Variants in C10orf90 observed in about 807,000 individuals in gnomAD.
C10orf90 encodes (E2-independent) E3 ubiquitin-conjugating enzyme FATS.
A neutral mutation model predicts 62.5 loss-of-function variants in C10orf90; 56 were observed. The observed-to-expected ratio is 0.90, with a 90% CI of 0.72 to 1.12. C10orf90 has a LOEUF of 1.12. Ranked by LOEUF, C10orf90 falls within the 50% of genes most tolerant of loss-of-function variation. The pLI is 0.00. For synonymous variants in C10orf90, 386 were observed against 340.4 expected (o/e 1.13, Z -1.47); for missense variants, 970 against 880.4 (o/e 1.10, Z -1.29).
At chr10:126,609,835 G>T (rs1231574067) in intron 2 of C10orf90, among the ~76,000 whole-genome samples, 2 of 152,204 alleles carry the variant, frequency 1.3e-5, no homozygotes, top group Non-Finnish European at 2.9e-5. Context: ...GAGCTGTGAG[G>T]CATGGGAGAT....
At chr10:126,438,858 G>A (rs1002028475) in intron 7 of C10orf90, among the ~76,000 whole-genome samples, 2 of 151,890 alleles carry the variant, frequency 1.3e-5, no homozygotes, top group East Asian at 1.9e-4. Context: ...TGGGAGTGCC[G>A]ATGCCTGAGA....
At position 126,425,550 on chromosome 10, in the gene C10orf90, A is replaced by C. The variant is rs1359464668; in HGVS notation, c.*314T>G. On this transcript the variant is annotated 3_prime_UTR_variant, in exon 10 of 10. Coordinates refer to ENST00000488181, the MANE Select transcript of C10orf90 (RefSeq NM_001350921.2). Reference sequence around the variant, plus strand: ...CTTGTATCAGGCCTCTCTGATGGGCAGGAAACAGCAGGGGAGAAGAAATCA... The same window carrying C: ...CTTGTATCAGGCCTCTCTGATGGGCCGGAAACAGCAGGGGAGAAGAAATCA... The C allele has an allele frequency of 1.4e-5, 5 of 368,728 alleles. No homozygotes were observed. The East Asian group carries it at 2.2e-4, about 16-fold the overall frequency. The allele number at this position is 368,728 out of a possible 1,614,324, so 22.8% of individuals were successfully genotyped here.
chr10:126,510,701 T>C (rs531711693), intron 3 of C10orf90, among the ~76,000 whole-genome samples: 4 of 152,370 alleles, frequency 2.6e-5, no homozygotes, highest in African/African-American at 9.6e-5. Flanking sequence ...GATATTGATT[T>C]CTCTTAAATG....
At chr10:126,574,299 AAG>A (rs1844567692) in intron 2 of C10orf90, among the ~76,000 whole-genome samples, 2 of 152,176 alleles carry the variant, frequency 1.3e-5, no homozygotes, top group African/African-American at 4.8e-5. Flanking sequence ...TTAATGTATA[AAG>A]AGTTTCTAAA....
At position 126,456,395 on chromosome 10, in the gene C10orf90, T is replaced by C. The variant is rs1413894776; in HGVS notation, c.2188+2645A>G. ...AAGTCCCACTTTGAGAGCATGCTGC[T>C]TGCCAGGACTGTCTTGGAATGTGGG... is the stretch of plus-strand genomic sequence containing the variant. On this transcript the variant is annotated intron_variant, in intron 7 of 9. Transcript: ENST00000488181. The surrounding 1 kb of genome is among the most constrained non-coding windows in gnomAD (Gnocchi z 4.9). Among the ~76,000 whole-genome samples, 1 of 152,156 alleles carries C rather than the reference T, an allele frequency of 6.6e-6. No individual in the cohort carries two copies. Among genetic ancestry groups the C allele is most frequent in the Admixed American group, 6.5e-5 (1 of 15,282 alleles).
chr10:126,521,447 A>G, intron 2 of C10orf90: 2 of 1,525,152 alleles, frequency 1.3e-6, no homozygotes, highest in South Asian at 1.3e-5. Flanking sequence ...AGAATGAGTC[A>G]GGCTTCCACC....
At chr10:126,474,798 C>T (rs946353062) in intron 4 of C10orf90, among the ~76,000 whole-genome samples, 1 of 152,210 alleles carries the variant, frequency 6.6e-6, no homozygotes, top group African/African-American at 2.4e-5. Flanking sequence ...CTGAACGTAA[C>T]TTGCAATTCA....
rs1857216806 is a variant in C10orf90 at position 126,425,562 on chromosome 10, G to A, written c.*302C>T. The A allele has an allele frequency of 1.2e-5, 5 of 400,588 alleles. No individual in the cohort carries two copies. Among genetic ancestry groups the A allele is most frequent in the Non-Finnish European group, 2.2e-5 (5 of 227,112 alleles). 24.8% of individuals were successfully genotyped at this position (400,588 alleles called of 1,614,324 possible). A position where few individuals can be genotyped will look rare whatever the true frequency, so the allele number is the denominator to read the frequency against. ...CTCTCTGATGGGCAGGAAACAGCAG[G>A]GGAGAAGAAATCAGAAGCAAAAGGT... On this transcript the variant is annotated 3_prime_UTR_variant, in exon 10 of 10. Coordinates refer to ENST00000488181, the MANE Select transcript of C10orf90 (RefSeq NM_001350921.2).
intron 4 of C10orf90, among the ~76,000 whole-genome samples, chr10:126,496,208 C>G (rs74158825): frequency 0.032 from 4,852 of 152,264 alleles, 255 homozygotes; most frequent in African/African-American, 0.11. Context: ...ATGACTCTCT[C>G]CTAAACAGTG....
At chr10:126,476,695 G>T (rs7898677) in intron 4 of C10orf90, among the ~76,000 whole-genome samples, 65,092 of 151,990 alleles carry the variant, frequency 0.43, 16,425 homozygotes, top group African/African-American at 0.72. Context: ...GCGGACTTCC[G>T]GAGTTATTTC....
chr10:126,436,874 A>G (rs901972618), intron 7 of C10orf90, among the ~76,000 whole-genome samples: 2 of 152,016 alleles, frequency 1.3e-5, no homozygotes, highest in Non-Finnish European at 2.9e-5. Context: ...TTGTTGCCCA[A>G]GATGGTCTTA....
chr10:126,504,743 C>A lies in C10orf90; in HGVS notation c.748G>T (p.Ala250Ser). The A allele has an allele frequency of 6.3e-7, 1 of 1,595,818 alleles. No homozygotes were observed. Among genetic ancestry groups the A allele is most frequent in the South Asian group, 1.1e-5 (1 of 88,432 alleles). The stretch of plus-strand genomic sequence containing the variant: ...TCCCCAGCAGTCCCCCACACCAGGG[C>A]GCGGGCTGGGGGGCCCACGCGTCTG... ...TARRVGPPAR[A>S]LVWGTAGDSL... Residue 250 changes from alanine to serine, a missense_variant, in exon 4 of 10, where the codon GCC becomes TCC. Ala to Ser is a moderately conservative substitution (Grantham distance 99, BLOSUM62 1). Transcript: ENST00000488181. The surrounding 1 kb of genome is among the most constrained non-coding windows in gnomAD (Gnocchi z 4.1).
intron 1 of C10orf90, among the ~76,000 whole-genome samples, chr10:126,661,125 T>A (rs948896802): frequency 1.3e-5 from 2 of 152,172 alleles, no homozygotes; most frequent in Non-Finnish European, 1.5e-5. Flanking sequence ...CTTGATATCA[T>A]CCTCCAGGTC....
At chr10:126,552,842 T>C (rs2133979057) in intron 2 of C10orf90, among the ~76,000 whole-genome samples, 1 of 152,356 alleles carries the variant, frequency 6.6e-6, no homozygotes, top group East Asian at 1.9e-4. Context: ...CCAATATCTA[T>C]ATCTTAGGGT....
chr10:126,443,543 A>G (rs1858536424), intron 7 of C10orf90, among the ~76,000 whole-genome samples: 1 of 152,142 alleles, frequency 6.6e-6, no homozygotes, highest in East Asian at 1.9e-4. Flanking sequence ...CAACACAGAA[A>G]GCCCAGGACC....
chr10:126,631,359 C>T (rs576877273), intron 2 of C10orf90, among the ~76,000 whole-genome samples: 1 of 152,252 alleles, frequency 6.6e-6, no homozygotes, highest in East Asian at 1.9e-4. Context: ...GTTCCTTCCT[C>T]AAAACGTTTG....
chr10:126,656,569 T>C (rs1361761500), intron 1 of C10orf90, among the ~76,000 whole-genome samples: 2 of 152,230 alleles, frequency 1.3e-5, no homozygotes, highest in Non-Finnish European at 2.9e-5. Flanking sequence ...CTAGAAGTTG[T>C]AACCGAAATT....
rs2133971070 is a variant in C10orf90 at position 126,545,147 on chromosome 10, A to G, written c.314-31208T>C. Among the ~76,000 whole-genome samples the G allele has an allele frequency of 2.0e-5, 3 of 152,138 alleles. No homozygotes were observed. The Middle Eastern group carries it at 0.01, about 517-fold the overall frequency. On this transcript the variant is annotated intron_variant, in intron 2 of 9. Coordinates refer to ENST00000488181, the MANE Select transcript of C10orf90 (RefSeq NM_001350921.2). ...CATGCCCTCCTAACACCCTTGTTCG[A>G]TCTCTGTTTCGTAATCATACCCAGC...
chr10:126,617,085 T>C (rs1214477920), intron 2 of C10orf90, among the ~76,000 whole-genome samples: 1 of 152,208 alleles, frequency 6.6e-6, no homozygotes, highest in Non-Finnish European at 1.5e-5. Context: ...TTCCTGTTTC[T>C]CATAACACAA....
Sources: gnomAD v4.1 joint callset for allele counts (sites outside exome capture counted in the v4.1 genomes callset) on GRCh38, gnomAD v4.1.1 for gene constraint, Gnocchi (gnomAD v3.1) non-coding constraint, MANE v1.5 for transcripts, NCBI Gene and HGNC (gene_info 2026-07-23, HGNC 2026-07-21) for gene names.